CYBRD1: variants seen among roughly 807,000 people sequenced by gnomAD.
CYBRD1 encodes the protein plasma membrane ascorbate-dependent reductase CYBRD1.
A neutral mutation model predicts 21.9 loss-of-function variants in CYBRD1; 14 were observed. That is an observed-to-expected ratio of 0.64 (90% confidence interval 0.42 to 1.00). The LOEUF is 1.00. Ranked by LOEUF, CYBRD1 falls within the 50% of genes least tolerant of loss-of-function variation. The probability of loss-of-function intolerance (pLI) is 0.00; values close to 1 mark genes in which losing one functional copy is unlikely to be tolerated. For synonymous variants in CYBRD1, 146 were observed against 136.5 expected, an observed-to-expected ratio of 1.07 and a Z score of -0.48; for missense variants, 328 against 352.5, an observed-to-expected ratio of 0.93 and a Z score of 0.56.
intron 2 of CYBRD1, among the ~76,000 whole-genome samples, chr2:171,552,807 A>C (rs1220103765): frequency 1.3e-5 from 2 of 152,228 alleles, no homozygotes; most frequent in Admixed American, 1.3e-4. Context: ...AATCAACTTC[A>C]TTCCACATAG....
At chr2:171,554,331 T>G (rs1249835287) in intron 3 of CYBRD1, among the ~76,000 whole-genome samples, 193 bp from the exon 4 acceptor site, 2 of 152,194 alleles carry the variant, frequency 1.3e-5, no homozygotes, top group African/African-American at 2.4e-5. Context: ...TTTTCATATT[T>G]ATTATTTTTA....
At chr2:171,551,532 T>C (rs2105346682) in intron 2 of CYBRD1, among the ~76,000 whole-genome samples, 1 of 152,352 alleles carries the variant, frequency 6.6e-6, no homozygotes, top group South Asian at 2.1e-4. Flanking sequence ...TTGGCTATTC[T>C]TGGCCCTTTG....
intron 2 of CYBRD1, among the ~76,000 whole-genome samples, chr2:171,552,034 T>C (rs1251337267): frequency 6.6e-6 from 1 of 152,170 alleles, no homozygotes; most frequent in Non-Finnish European, 1.5e-5. Context: ...ACAAATCCCT[T>C]CTAGATCTGA....
At chr2:171,553,251 G>T (rs1683418174) in intron 2 of CYBRD1, 95 bp from the exon 3 acceptor site, 3 of 1,423,932 alleles carry the variant, frequency 2.1e-6, no homozygotes, top group African/African-American at 1.4e-5. Context: ...CTATATGAAA[G>T]GTTTTGTCAT....
chr2:171,533,256 A>G (rs1222539824), intron 1 of CYBRD1, among the ~76,000 whole-genome samples: 1 of 151,796 alleles, frequency 6.6e-6, no homozygotes, highest in East Asian at 1.9e-4. Context: ...AATCCCAGCT[A>G]CTCTGGAGGC....
Position 171,531,154 on chromosome 2 carries a change from C to CAAAAA in CYBRD1, c.193+8430_193+8434dup, listed in dbSNP as rs5836342. Among the ~76,000 whole-genome samples the CAAAAA allele has an allele frequency of 6.5e-3, 742 of 114,616 alleles. 4 individuals carry two copies. The highest frequency in any genetic ancestry group is 0.01 in the African/African-American group (297 of 29,650). 75.2% of individuals were successfully genotyped at this position (114,616 alleles called of 152,430 possible). ...CTGGGGACAGAACAAGACCCTGTCT[C>CAAAAA]AAAAAAAAAAAAAAAAAAGAAAGAC... On this transcript the variant is annotated intron_variant, in intron 1 of 3. Transcript: ENST00000321348.
chr2:171,551,101 C>G (rs141350935), intron 2 of CYBRD1: 1 of 180,770 alleles, frequency 5.5e-6, no homozygotes, highest in South Asian at 2.0e-4. Flanking sequence ...GGACCACAGA[C>G]GTGCACCACC....
In CYBRD1 at chr2:171,541,669, C is replaced by T. The variant is rs760252994; in HGVS notation, c.278C>T (p.Ala93Val). The change falls in exon 2 of 4, where the codon GCT (alanine) becomes GTT (valine). Residue 93 changes from alanine (A) to valine (V), a missense_variant. Ala to Val is a moderately conservative substitution (Grantham distance 64). Transcript: ENST00000321348. ...ATCCATGCAGGGTTAAATGCAGTTG[C>T]TGCCATTCTTGCAATTATCTCTGTG... ...KSIHAGLNAV[A>V]AILAIISVVA... 6.2e-7 allele frequency: 1 copy of T among 1,613,876 alleles called. No individual in the cohort carries two copies. Among genetic ancestry groups the T allele is most frequent in the Non-Finnish European group, 8.5e-7 (1 of 1,179,966 alleles).
chr2:171,524,220 A>G (rs1376957895), intron 1 of CYBRD1, among the ~76,000 whole-genome samples: 1 of 140,674 alleles, frequency 7.1e-6, no homozygotes, highest in East Asian at 2.2e-4. Flanking sequence ...TCAGGGTGTG[A>G]GCACCACTGG....
At position 171,522,756 on chromosome 2, in the gene CYBRD1, G is replaced by A; in HGVS notation, c.193+18G>A. On this transcript the variant is annotated intron_variant, in intron 1 of 3. Coordinates refer to ENST00000321348, the MANE Select transcript of CYBRD1 (RefSeq NM_024843.4). The surrounding 1 kb of genome is among the most constrained non-coding windows in gnomAD (Gnocchi z 4.3). Reference sequence around the variant, plus strand: ...GGGCATCGGTACTGGCACCTCCTGGGGGGGTGCGGGGAGGAAAGCGGGGAG... The same window carrying A: ...GGGCATCGGTACTGGCACCTCCTGGAGGGGTGCGGGGAGGAAAGCGGGGAG... 4 of 1,613,202 alleles carry A rather than the reference G, an allele frequency of 2.5e-6. No homozygotes were observed. The highest frequency in any genetic ancestry group is 2.2e-5 in the East Asian group (1 of 44,878).
At chr2:171,524,530 A>G (rs1288606215) in intron 1 of CYBRD1, among the ~76,000 whole-genome samples, 2 of 152,214 alleles carry the variant, frequency 1.3e-5, no homozygotes, top group Admixed American at 6.5e-5. Context: ...CTGACTTGCC[A>G]CAGAGGAGAA....
intron 2 of CYBRD1, among the ~76,000 whole-genome samples, chr2:171,542,642 G>C (rs1697651725): frequency 6.6e-6 from 1 of 152,220 alleles, no homozygotes; most frequent in Admixed American, 6.5e-5. Context: ...ACTTTGAAAA[G>C]CTGAGACCAG....
At position 171,553,398 on chromosome 2, in the gene CYBRD1, G is replaced by C; in HGVS notation, c.455G>C (p.Arg152Pro). The C allele has an allele frequency of 6.2e-7, 1 of 1,613,594 alleles. No individual in the cohort carries two copies. The highest frequency in any genetic ancestry group is 8.5e-7 in the Non-Finnish European group (1 of 1,179,770). ...CTTCCATGGGCTCCGCTTTCTCTCC[G>C]AGCATTTCTCATGCCCATACATGTT... Reference protein sequence around the residue: ...FLLPWAPLSLRAFLMPIHVYS... With the variant: ...FLLPWAPLSLPAFLMPIHVYS... Residue 152 changes from arginine to proline, a missense_variant, in exon 3 of 4, where the codon CGA (arginine) becomes CCA (proline). Arg to Pro is a moderately radical substitution (Grantham distance 103). Transcript: ENST00000321348.
At chr2:171,530,979 C>A (rs1466662423) in intron 1 of CYBRD1, among the ~76,000 whole-genome samples, 1 of 151,660 alleles carries the variant, frequency 6.6e-6, no homozygotes, top group Non-Finnish European at 1.5e-5. Flanking sequence ...TGGTGAAACC[C>A]CATCTCTACA....
chr2:171,540,084 T>G lies in CYBRD1; in HGVS notation c.194-1501T>G, dbSNP rs1457265646. 2.6e-5 allele frequency among the ~76,000 whole-genome samples: 4 copies of G among 152,194 alleles called. No individual in the cohort carries two copies. In the East Asian group the frequency reaches 7.7e-4, roughly 29 times the overall value. On this transcript the variant is annotated intron_variant, in intron 1 of 3. Coordinates refer to ENST00000321348, the MANE Select transcript of CYBRD1 (RefSeq NM_024843.4). Reference sequence around the variant, plus strand: ...CATGCAGAATGATGAATCTTCTGTCTATGACACCTGTGAAACCAGCACCTA... The same window carrying G: ...CATGCAGAATGATGAATCTTCTGTCGATGACACCTGTGAAACCAGCACCTA...
chr2:171,553,515 C>T lies in CYBRD1; in HGVS notation c.557+15C>T, dbSNP rs760727590. 1 of 1,607,346 alleles carries T rather than the reference C, an allele frequency of 6.2e-7. No homozygotes were observed. The highest frequency in any genetic ancestry group is 1.3e-5 in the African/African-American group (1 of 74,764). On this transcript the variant is annotated intron_variant, in intron 3 of 3. Transcript: ENST00000321348. ...ATTTTTTCCCTGTAAGTTGCATAGT[C>T]TTCTTAATTGTAATACTTAAGCCAC...
rs749832076 is a variant in CYBRD1, at chr2:171,549,369, C to CCA, written c.403-3975_403-3974dup. ...AAAGTGCTGGAATGGCAGACATGAG[C>CCA]CACTGTGCCCAGCCAACATGGAAAC... is the stretch of plus-strand genomic sequence containing the variant. On this transcript the variant is annotated intron_variant, in intron 2 of 3. Coordinates refer to ENST00000321348, the MANE Select transcript of CYBRD1 (RefSeq NM_024843.4). Among the ~76,000 whole-genome samples the CCA allele has an allele frequency of 3.9e-5, 6 of 152,198 alleles. No individual in the cohort carries two copies. The East Asian group carries it at 1.2e-3, about 29-fold the overall frequency.
chr2:171,525,217 C>T (rs1697367466), intron 1 of CYBRD1, among the ~76,000 whole-genome samples: 1 of 152,192 alleles, frequency 6.6e-6, no homozygotes, highest in African/African-American at 2.4e-5. Context: ...AGATTACAGA[C>T]GTGAGCCACA....
At chr2:171,531,029 T>C (rs964889650) in intron 1 of CYBRD1, among the ~76,000 whole-genome samples, 7 of 151,626 alleles carry the variant, frequency 4.6e-5, no homozygotes, top group Admixed American at 2.0e-4. Context: ...CTGGTGTGTG[T>C]TGGTAAGTCC....
Sources: gnomAD v4.1 joint callset for allele counts (sites outside exome capture counted in the v4.1 genomes callset) on GRCh38, gnomAD v4.1.1 for gene constraint, Gnocchi (gnomAD v3.1) non-coding constraint, MANE v1.5 for transcripts, NCBI Gene and HGNC (gene_info 2026-07-23, HGNC 2026-07-21) for gene names.